Variants in ADGB observed in about 807,000 individuals in gnomAD.
ADGB encodes the protein androglobin.
Under a neutral mutation model 210.5 loss-of-function variants are expected in ADGB, and 172 were observed. That is an observed-to-expected ratio of 0.82 (90% confidence interval 0.72 to 0.93). The LOEUF (loss-of-function observed/expected upper bound fraction) is 0.93, where lower values mean the gene tolerates loss of function less well. Among genes scored for constraint, ADGB ranks in the 40% least tolerant of loss-of-function variants. ADGB has a pLI of 0.00. For missense variants in ADGB, 2,025 were observed against 1,964.8 expected (o/e 1.03, Z -0.58); for synonymous variants, 658 against 662.7 (o/e 0.99, Z 0.11).
chr6:146,781,481 A>C (rs1777799697), intron 29 of ADGB, among the ~76,000 whole-genome samples: 1 of 152,048 alleles, frequency 6.6e-6, no homozygotes, highest in African/African-American at 2.4e-5. Context: ...TTAAAAAAAA[A>C]AACCGAGGAT....
chr6:146,668,387 G>T (rs1775964620), intron 7 of ADGB, among the ~76,000 whole-genome samples: 1 of 152,052 alleles, frequency 6.6e-6, no homozygotes, highest in Admixed American at 6.6e-5. Context: ...CATATTTTCA[G>T]CAGGATAAAC....
At chr6:146,684,486 C>T (rs1421741064) in intron 9 of ADGB, among the ~76,000 whole-genome samples, 1 of 151,972 alleles carries the variant, frequency 6.6e-6, no homozygotes, top group Non-Finnish European at 1.5e-5. Context: ...TGCTGAGGGC[C>T]ATTCTGGTCA....
intron 27 of ADGB, among the ~76,000 whole-genome samples, chr6:146,761,871 G>T (rs1272497293): frequency 6.6e-6 from 1 of 152,118 alleles, no homozygotes; most frequent in African/African-American, 2.4e-5. Flanking sequence ...AGCTCTAGGA[G>T]AGAATCCTTC....
chr6:146,732,686 G>A (rs946278825), intron 20 of ADGB, among the ~76,000 whole-genome samples: 6 of 151,752 alleles, frequency 4.0e-5, no homozygotes, highest in African/African-American at 1.5e-4. Context: ...TATGAGGTTA[G>A]TACTACTATT....
At chr6:146,611,784 G>T (rs1027019975) in intron 1 of ADGB, among the ~76,000 whole-genome samples, 5 of 152,024 alleles carry the variant, frequency 3.3e-5, no homozygotes, top group African/African-American at 1.2e-4. Context: ...AGCCATCTTG[G>T]GAATTGTTTT....
intron 1 of ADGB, among the ~76,000 whole-genome samples, chr6:146,621,291 T>C (rs1057305303): frequency 6.6e-6 from 1 of 152,086 alleles, no homozygotes; most frequent in Non-Finnish European, 1.5e-5. Flanking sequence ...CCAGTCTCTT[T>C]AATGTGGCAC....
At chr6:146,631,838 G>A (rs563337995) in intron 1 of ADGB, among the ~76,000 whole-genome samples, 74 of 151,930 alleles carry the variant, frequency 4.9e-4, no homozygotes, top group Non-Finnish European at 8.4e-4. Flanking sequence ...AAGTCCTCCA[G>A]CCCTCACCTC....
intron 7 of ADGB, among the ~76,000 whole-genome samples, chr6:146,667,354 T>C (rs1232309880): frequency 6.6e-6 from 1 of 152,026 alleles, no homozygotes; most frequent in African/African-American, 2.4e-5. Flanking sequence ...TCTGGTACAA[T>C]TCCTCAGGCC....
intron 6 of ADGB, among the ~76,000 whole-genome samples, chr6:146,666,043 C>A (rs1439706518): frequency 2.0e-5 from 3 of 151,978 alleles, no homozygotes; most frequent in Non-Finnish European, 4.4e-5. Flanking sequence ...AACAACAAAA[C>A]AGTGCACATT....
chr6:146,618,298 C>T (rs1780834216), intron 1 of ADGB, among the ~76,000 whole-genome samples: 1 of 150,522 alleles, frequency 6.6e-6, no homozygotes, highest in Non-Finnish European at 1.5e-5. Flanking sequence ...AAAAGTTTCT[C>T]TATTTGTTTT....
intron 1 of ADGB, among the ~76,000 whole-genome samples, chr6:146,633,311 T>C (rs1393014355): frequency 6.6e-6 from 1 of 152,084 alleles, no homozygotes; most frequent in African/African-American, 2.4e-5. Flanking sequence ...TTTTACATTG[T>C]CTCCCTTCTT....
At chr6:146,723,196 C>A (rs1466554582) in intron 17 of ADGB, among the ~76,000 whole-genome samples, 2 of 152,086 alleles carry the variant, frequency 1.3e-5, no homozygotes, top group African/African-American at 4.8e-5. Context: ...AGCCCTGAAG[C>A]CACACCATGT....
At chr6:146,647,911 T>G (rs2114875502) in intron 3 of ADGB, among the ~76,000 whole-genome samples, 1 of 152,148 alleles carries the variant, frequency 6.6e-6, no homozygotes, top group South Asian at 2.1e-4. Flanking sequence ...TTCTTTAACA[T>G]AAGGTCCAAT....
intron 10 of ADGB, among the ~76,000 whole-genome samples, chr6:146,688,990 A>G (rs555541202): frequency 1.3e-5 from 2 of 152,248 alleles, no homozygotes; most frequent in Admixed American, 1.3e-4. Flanking sequence ...AGATGTTACA[A>G]ATTACATTAT....
intron 13 of ADGB, among the ~76,000 whole-genome samples, chr6:146,710,407 T>C (rs1776642912): frequency 1.3e-5 from 2 of 152,098 alleles, no homozygotes; most frequent in Non-Finnish European, 2.9e-5. Context: ...TTTTGAGCCA[T>C]TGCAATATGA....
At chr6:146,786,729 C>A (rs866844896) in intron 32 of ADGB, among the ~76,000 whole-genome samples, 1 of 152,152 alleles carries the variant, frequency 6.6e-6, no homozygotes, top group Non-Finnish European at 1.5e-5. Context: ...ACTCACTCCT[C>A]TAATAGAGTC....
At position 146,750,157 on chromosome 6, in the gene ADGB, T is replaced by G. The variant is rs536602069; in HGVS notation, c.3366-2373T>G. ...TGGACTGCAAAGTGGGCTGAAAGTT[T>G]TGTTGGTTTGTTTTTTGCTTTGTTT... On this transcript the variant is annotated intron_variant, in intron 26 of 35. Transcript: ENST00000397944. Among the ~76,000 whole-genome samples the G allele has an allele frequency of 8.5e-5, 13 of 152,234 alleles. No individual in the cohort carries two copies. In the South Asian group the frequency reaches 1.2e-3, roughly 15 times the overall value.
chr6:146,802,011 G>T lies in ADGB; in HGVS notation c.4818G>T (p.Gln1606His). The change falls in exon 35 of 36, where the codon CAG (glutamine) becomes CAT (histidine). Residue 1606 changes from glutamine (Q) to histidine (H), a missense_variant and splice_region_variant. By Grantham distance (24) the Gln-to-His change is conservative. Coordinates refer to ENST00000397944, the MANE Select transcript of ADGB (RefSeq NM_024694.4). Reference sequence around the variant, plus strand: ...TCCTGGATATGTATAAGGAAATGCAGGTGAGTCTAAAAGCACATACATAGA... The same window carrying T: ...TCCTGGATATGTATAAGGAAATGCATGTGAGTCTAAAAGCACATACATAGA... ...DEVLDMYKEM[Q>H]DSLDEARQKI... 1 of 1,536,070 alleles carries T rather than the reference G, an allele frequency of 6.5e-7. No homozygotes were observed. The highest frequency in any genetic ancestry group is 1.2e-5 in the South Asian group (1 of 80,076).
intron 13 of ADGB, among the ~76,000 whole-genome samples, chr6:146,709,463 C>T (rs1333650413): frequency 6.6e-6 from 1 of 152,160 alleles, no homozygotes; most frequent in Non-Finnish European, 1.5e-5. Context: ...TGGTCTAGTG[C>T]CTAGATCAGC....
Sources: allele counts gnomAD v4.1 joint callset (sites outside exome capture counted in the v4.1 genomes callset), GRCh38; gene constraint gnomAD v4.1.1; transcripts MANE v1.5; gene names NCBI Gene and HGNC (gene_info 2026-07-23, HGNC 2026-07-21).